The following PRLR variants were observed in gnomAD, a reference collection of about 807,000 sequenced individuals.
The protein encoded by PRLR is prolactin receptor.
Under a neutral mutation model 40.2 loss-of-function variants are expected in PRLR, and 13 were observed. The observed-to-expected ratio is 0.32, with a 90% CI of 0.21 to 0.51. The LOEUF is 0.51. PRLR is among the 20% of genes least tolerant of loss of function. The pLI is 0.97. For missense variants in PRLR, 656 were observed against 747.3 expected, an observed-to-expected ratio of 0.88 and a Z score of 1.42; for synonymous variants, 269 against 278.7, an observed-to-expected ratio of 0.97 and a Z score of 0.35.
intron 1 of PRLR, among the ~76,000 whole-genome samples, chr5:35,161,463 G>C (rs1774671677): frequency 6.6e-6 from 1 of 152,132 alleles, no homozygotes; most frequent in African/African-American, 2.4e-5. Flanking sequence ...AAAGAATACA[G>C]CATTGTTGTT....
chr5:35,168,726 AT>A (rs1561345019), intron 1 of PRLR, among the ~76,000 whole-genome samples: 2 of 152,196 alleles, frequency 1.3e-5, no homozygotes, highest in African/African-American at 2.4e-5. Context: ...GTGAACAAAA[AT>A]CATGGAAGAA....
intron 2 of PRLR, among the ~76,000 whole-genome samples, chr5:35,097,880 C>T (rs766809180): frequency 2.0e-5 from 3 of 152,098 alleles, no homozygotes; most frequent in Non-Finnish European, 2.9e-5. Context: ...ATTCTTATCA[C>T]GCTCAAGTTT....
intron 2 of PRLR, among the ~76,000 whole-genome samples, chr5:35,106,171 A>G (rs1414015814): frequency 6.6e-6 from 1 of 152,222 alleles, no homozygotes; most frequent in Non-Finnish European, 1.5e-5. Context: ...CAGACAAGCA[A>G]GTGCTGAGAG....
chr5:35,085,020 C>T (rs1158027731), intron 4 of PRLR, among the ~76,000 whole-genome samples: 2 of 152,198 alleles, frequency 1.3e-5, no homozygotes, highest in Non-Finnish European at 2.9e-5. Flanking sequence ...CCTGTCCACA[C>T]ACAGAGGGGT....
At chr5:35,173,039 T>C (rs1188008764) in intron 1 of PRLR, among the ~76,000 whole-genome samples, 2 of 152,188 alleles carry the variant, frequency 1.3e-5, no homozygotes, top group Non-Finnish European at 2.9e-5. Context: ...GTTCTTAAGA[T>C]GGTCTCTAGA....
chr5:35,166,948 T>C (rs1198753066), intron 1 of PRLR, among the ~76,000 whole-genome samples: 5 of 152,082 alleles, frequency 3.3e-5, no homozygotes, highest in African/African-American at 1.2e-4. Flanking sequence ...GAAATAGTGG[T>C]TTCTGTTTTT....
chr5:35,113,467 AT>A (rs1772817440), intron 2 of PRLR, among the ~76,000 whole-genome samples: 1 of 145,744 alleles, frequency 6.9e-6, no homozygotes, highest in Non-Finnish European at 1.5e-5. Context: ...CCATCCATCC[AT>A]CCATCCATCC....
At chr5:35,131,931 GA>G (rs1308106151) in intron 1 of PRLR, among the ~76,000 whole-genome samples, 1 of 152,160 alleles carries the variant, frequency 6.6e-6, no homozygotes, top group African/African-American at 2.4e-5. Context: ...AATGAATAAG[GA>G]GATACAGGAC....
chr5:35,227,301 T>C (rs1318824066), intron 1 of PRLR, among the ~76,000 whole-genome samples: 2 of 152,140 alleles, frequency 1.3e-5, no homozygotes, highest in Non-Finnish European at 2.9e-5. Context: ...ATTGGGGAGC[T>C]TGGGAGCACT....
At chr5:35,128,262 C>T (rs763493354) in intron 1 of PRLR, among the ~76,000 whole-genome samples, 3 of 150,652 alleles carry the variant, frequency 2.0e-5, no homozygotes, top group Non-Finnish European at 3.0e-5. Flanking sequence ...TATGCAAATA[C>T]TATAGCATCT....
chr5:35,053,845 C>T (rs541752558), downstream of PRLR, among the ~76,000 whole-genome samples: 1 of 152,126 alleles, frequency 6.6e-6, no homozygotes, highest in East Asian at 1.9e-4. Flanking sequence ...AGAATGGCCA[C>T]AACAATTTTG....
chr5:35,065,995 C>T lies in PRLR; in HGVS notation c.963G>A (p.Glu321=), dbSNP rs1235089739. 3 of 1,614,002 alleles carry T rather than the reference C, an allele frequency of 1.9e-6. No individual in the cohort carries two copies. The highest frequency in any genetic ancestry group is 2.5e-6 in the Non-Finnish European group (3 of 1,180,010). ...AATGGACTGACATTAGATGCTGGTC[C>T]TCACTATCATCTACTTCTAAATACT... ...LVEYLEVDDS[E]DQHLMSVHSK... Residue 321 remains glutamate, a synonymous_variant, in exon 10 of 10, where the codon GAG becomes GAA. Coordinates refer to ENST00000618457, the MANE Select transcript of PRLR (RefSeq NM_000949.7).
chr5:35,219,843 T>C (rs989999253), intron 1 of PRLR, among the ~76,000 whole-genome samples: 2 of 152,194 alleles, frequency 1.3e-5, no homozygotes, highest in Admixed American at 6.5e-5. Flanking sequence ...TAGCACTAGA[T>C]ATTATTCTGT....
intron 2 of PRLR, among the ~76,000 whole-genome samples, chr5:35,091,662 C>T (rs1771218922): frequency 6.6e-6 from 1 of 152,146 alleles, no homozygotes; most frequent in Non-Finnish European, 1.5e-5. Context: ...AACATCAAGC[C>T]TTGGGTGAGT....
At chr5:35,098,544 TA>T (rs1771672985) in intron 2 of PRLR, among the ~76,000 whole-genome samples, 1 of 152,232 alleles carries the variant, frequency 6.6e-6, no homozygotes, top group Non-Finnish European at 1.5e-5. Context: ...CAAACAAGAT[TA>T]TTTTTTCACA....
chr5:35,221,727 G>C (rs1016555398), intron 1 of PRLR, among the ~76,000 whole-genome samples: 5 of 152,148 alleles, frequency 3.3e-5, no homozygotes. Flanking sequence ...TGATTCTCAC[G>C]TGCAATCAGT....
intron 2 of PRLR, among the ~76,000 whole-genome samples, chr5:35,098,941 A>C (rs1170301751): frequency 6.6e-6 from 1 of 152,194 alleles, no homozygotes; most frequent in Non-Finnish European, 1.5e-5. Context: ...TTGTGGGAGA[A>C]TCTTTGGAGC....
intron 1 of PRLR, among the ~76,000 whole-genome samples, chr5:35,163,276 C>A (rs541948110): frequency 6.6e-6 from 1 of 152,124 alleles, no homozygotes; most frequent in Non-Finnish European, 1.5e-5. Context: ...CATGGCCGTG[C>A]GACAAGGACC....
At chr5:35,053,352 A>C (rs1009644138), downstream of PRLR, among the ~76,000 whole-genome samples, 1 of 152,250 alleles carries the variant, frequency 6.6e-6, no homozygotes, top group Non-Finnish European at 1.5e-5. Flanking sequence ...ATGCAAGATC[A>C]GTATTAAAAC....
Sources: allele counts gnomAD v4.1 joint callset (sites outside exome capture counted in the v4.1 genomes callset), GRCh38; gene constraint gnomAD v4.1.1; transcripts MANE v1.5; gene names NCBI Gene and HGNC (gene_info 2026-07-23, HGNC 2026-07-21).